The following DPP6 variants were observed in gnomAD, a reference collection of about 807,000 sequenced individuals.
The protein encoded by DPP6 is dipeptidyl peptidase like 6.
In DPP6, 69 loss-of-function variants were observed where a neutral mutation model predicts 122.6. The observed-to-expected ratio is 0.56, with a 90% CI of 0.46 to 0.69. The LOEUF (loss-of-function observed/expected upper bound fraction) is 0.69, where lower values mean the gene tolerates loss of function less well. Among genes scored for constraint, DPP6 ranks in the 30% least tolerant of loss-of-function variants. The pLI is 0.00. For missense variants in DPP6, 928 were observed against 1,116.9 expected (o/e 0.83, Z 2.41); for synonymous variants, 418 against 433.1 (o/e 0.97, Z 0.43).
chr7:154,797,209 C>G (rs879555351), intron 12 of DPP6, among the ~76,000 whole-genome samples: 15 of 152,200 alleles, frequency 9.9e-5, no homozygotes, highest in Non-Finnish European at 2.1e-4. Flanking sequence ...TTACCAGGCA[C>G]CATGCTAGGC....
intron 1 of DPP6, among the ~76,000 whole-genome samples, chr7:154,359,463 C>T (rs556616112): frequency 6.6e-6 from 1 of 152,272 alleles, no homozygotes; most frequent in East Asian, 1.9e-4. Context: ...CTGTGTCCTG[C>T]TCCTCCTCAC....
chr7:153,927,001 TA>T (rs202185111), intron 1 of DPP6, among the ~76,000 whole-genome samples: 3 of 149,726 alleles, frequency 2.0e-5, no homozygotes, highest in South Asian at 2.1e-4. Context: ...TTTTTTAAGT[TA>T]AATTTTTTTT....
chr7:154,536,062 A>G (rs1182440531), intron 3 of DPP6, among the ~76,000 whole-genome samples: 1 of 152,240 alleles, frequency 6.6e-6, no homozygotes, highest in Non-Finnish European at 1.5e-5. Context: ...CATGAATTTG[A>G]ATGCATAAAA....
At chr7:154,685,090 C>G (rs1839518270) in intron 7 of DPP6, among the ~76,000 whole-genome samples, 1 of 152,232 alleles carries the variant, frequency 6.6e-6, no homozygotes, top group Non-Finnish European at 1.5e-5. Flanking sequence ...AGTCAGCCGT[C>G]TCCCACTGCC....
At chr7:154,869,841 A>G (rs569990888) in intron 18 of DPP6, among the ~76,000 whole-genome samples, 5 of 29,016 alleles carry the variant, frequency 1.7e-4, no homozygotes, top group Middle Eastern at 0.042. Flanking sequence ...TCCCGCCCCC[A>G]CCCCCACCCC....
chr7:154,031,949 C>T (rs190017813), intron 1 of DPP6, among the ~76,000 whole-genome samples: 212 of 150,656 alleles, frequency 1.4e-3, no homozygotes, highest in African/African-American at 4.8e-3. Context: ...GCAAGCTCTG[C>T]CTCCTGGCTT....
chr7:153,857,338 C>CTCTCTCTCTCTT, the DPP6 span, among the ~76,000 whole-genome samples: 12 of 151,102 alleles, frequency 7.9e-5, no homozygotes, highest in African/African-American at 1.2e-4. Context: ...CTCTCTCTCT[C>CTCTCTCTCTCTT]TCTCTCTCTC....
At chr7:154,355,794 T>C (rs549865672) in intron 1 of DPP6, among the ~76,000 whole-genome samples, 1 of 152,354 alleles carries the variant, frequency 6.6e-6, no homozygotes, top group African/African-American at 2.4e-5. Context: ...GATATCATCT[T>C]TAAGATTATC....
chr7:153,967,761 G>A (rs1436810518), intron 1 of DPP6, among the ~76,000 whole-genome samples: 1 of 151,976 alleles, frequency 6.6e-6, no homozygotes, highest in Non-Finnish European at 1.5e-5. Flanking sequence ...AACTATTAAT[G>A]AGCTCACGTC....
At chr7:154,535,206 G>A (rs1828141515) in intron 3 of DPP6, among the ~76,000 whole-genome samples, 1 of 152,000 alleles carries the variant, frequency 6.6e-6, no homozygotes, top group Admixed American at 6.6e-5. Context: ...TACATATACT[G>A]TCTAAAAGAT....
chr7:154,742,762 G>T (rs879373234), intron 8 of DPP6, among the ~76,000 whole-genome samples: 1 of 152,222 alleles, frequency 6.6e-6, no homozygotes, highest in Non-Finnish European at 1.5e-5. Flanking sequence ...CAAAGAAGGC[G>T]GGCATGGGCC....
intron 5 of DPP6, among the ~76,000 whole-genome samples, chr7:154,578,279 C>G (rs1413816495): frequency 6.6e-6 from 1 of 152,076 alleles, no homozygotes; most frequent in African/African-American, 2.4e-5. Flanking sequence ...AGTAAGGCAA[C>G]TCATCATTGC....
the DPP6 span, among the ~76,000 whole-genome samples, chr7:153,840,763 G>A: frequency 6.6e-6 from 1 of 152,194 alleles, no homozygotes; most frequent in Non-Finnish European, 1.5e-5. Context: ...AAAGACAGCG[G>A]ACATTTCTAC....
At chr7:154,328,267 C>T (rs926696265) in intron 1 of DPP6, among the ~76,000 whole-genome samples, 4 of 152,124 alleles carry the variant, frequency 2.6e-5, no homozygotes, top group Non-Finnish European at 5.9e-5. Context: ...GAGAAATAGT[C>T]CAGCGCTGGA....
At chr7:154,414,342 A>T (rs1005006727) in intron 1 of DPP6, among the ~76,000 whole-genome samples, 1 of 152,228 alleles carries the variant, frequency 6.6e-6, no homozygotes, top group Admixed American at 6.5e-5. Flanking sequence ...AAAAGGAAAC[A>T]TTCTTTCAAG....
chr7:153,781,994 A>ACG, the DPP6 span, among the ~76,000 whole-genome samples: 1 of 118,654 alleles, frequency 8.4e-6, no homozygotes, highest in African/African-American at 3.2e-5. Context: ...ACACACACAC[A>ACG]CACACACACA....
At chr7:153,830,885 C>T in the DPP6 span, among the ~76,000 whole-genome samples, 8 of 152,268 alleles carry the variant, frequency 5.3e-5, no homozygotes, top group East Asian at 3.9e-4. Flanking sequence ...AATGAAATAA[C>T]GGATTGATTA....
At chr7:153,965,552 C>A (rs147446149) in intron 1 of DPP6, among the ~76,000 whole-genome samples, 1 of 151,820 alleles carries the variant, frequency 6.6e-6, no homozygotes, top group Non-Finnish European at 1.5e-5. Flanking sequence ...TCGCTGTGTC[C>A]CCCAGGTTGG....
chr7:154,205,677 G>A (rs903044104), intron 1 of DPP6, among the ~76,000 whole-genome samples: 1 of 151,990 alleles, frequency 6.6e-6, no homozygotes, highest in African/African-American at 2.4e-5. Context: ...GCAGAGATCC[G>A]GCCTCCAGGC....
Sources: gnomAD v4.1 joint callset for allele counts (sites outside exome capture counted in the v4.1 genomes callset) on GRCh38, gnomAD v4.1.1 for gene constraint, MANE v1.5 for transcripts, NCBI Gene and HGNC (gene_info 2026-07-23, HGNC 2026-07-21) for gene names.